HEMK2: variants seen among roughly 807,000 people sequenced by gnomAD.
HEMK2 encodes HemK methyltransferase 2, ETF1 glutamine and histone H4 lysine, also known as methyltransferase HEMK2.
the HEMK2 span, among the ~76,000 whole-genome samples, chr21:28,716,890 T>G: frequency 1.3e-5 from 2 of 152,200 alleles, no homozygotes; most frequent in Non-Finnish European, 2.9e-5. Flanking sequence ...CAGTTATGTC[T>G]TCAGTTTTTA....
At chr21:28,853,302 G>A in the HEMK2 span, among the ~76,000 whole-genome samples, 1 of 152,092 alleles carries the variant, frequency 6.6e-6, no homozygotes, top group African/African-American at 2.4e-5. Flanking sequence ...AGCTAACCAA[G>A]CAAATAAACT....
At chr21:28,860,994 G>A in the HEMK2 span, among the ~76,000 whole-genome samples, 1 of 152,226 alleles carries the variant, frequency 6.6e-6, no homozygotes, top group South Asian at 2.1e-4. Context: ...CAAAGGCTTA[G>A]GGAAATTGGC....
chr21:28,692,689 T>C, the HEMK2 span, among the ~76,000 whole-genome samples: 1 of 152,186 alleles, frequency 6.6e-6, no homozygotes, highest in African/African-American at 2.4e-5. Flanking sequence ...ACATGATCTA[T>C]GCAAAAACTT....
chr21:28,786,528 G>T, the HEMK2 span, among the ~76,000 whole-genome samples: 1 of 151,970 alleles, frequency 6.6e-6, no homozygotes, highest in Non-Finnish European at 1.5e-5. Context: ...AAAATTAGCT[G>T]GGTGTGTTGG....
chr21:28,619,029 T>C, the HEMK2 span, among the ~76,000 whole-genome samples: 1 of 152,164 alleles, frequency 6.6e-6, no homozygotes, highest in Non-Finnish European at 1.5e-5. Context: ...CTTAACTTAA[T>C]ATGATTGGTG....
the HEMK2 span, among the ~76,000 whole-genome samples, chr21:28,867,435 C>T: frequency 6.6e-6 from 1 of 152,138 alleles, no homozygotes; most frequent in Non-Finnish European, 1.5e-5. Flanking sequence ...AAATTGTTGA[C>T]TCCAGTGAGG....
At chr21:28,659,309 T>C in the HEMK2 span, among the ~76,000 whole-genome samples, 1 of 152,120 alleles carries the variant, frequency 6.6e-6, no homozygotes, top group Non-Finnish European at 1.5e-5. Flanking sequence ...GTTCAAAAGA[T>C]ACCTTCTAAT....
the HEMK2 span, among the ~76,000 whole-genome samples, chr21:28,823,844 C>T: frequency 6.6e-6 from 1 of 151,562 alleles, no homozygotes; most frequent in Non-Finnish European, 1.5e-5. Flanking sequence ...GTGTTACATA[C>T]TGTGAAAAAA....
At chr21:28,792,350 T>C in the HEMK2 span, among the ~76,000 whole-genome samples, 1 of 152,318 alleles carries the variant, frequency 6.6e-6, no homozygotes, top group South Asian at 2.1e-4. Context: ...CTTTATTGTG[T>C]GGACTTGTCC....
the HEMK2 span, among the ~76,000 whole-genome samples, chr21:28,831,753 AAGAAAGAAAGAAAGAAAG>A: frequency 6.7e-6 from 1 of 149,586 alleles, no homozygotes; most frequent in Admixed American, 6.6e-5. Flanking sequence ...GAAAGAAAGA[AAGAAAGAAAGAAAGAAAG>A]AAACAGTATC....
the HEMK2 span, among the ~76,000 whole-genome samples, chr21:28,698,277 G>C: frequency 6.6e-6 from 1 of 152,264 alleles, no homozygotes. Flanking sequence ...TGTGCTGTTA[G>C]AATGGGCTTT....
chr21:28,631,447 A>G, the HEMK2 span, among the ~76,000 whole-genome samples: 4 of 152,210 alleles, frequency 2.6e-5, no homozygotes, highest in East Asian at 1.9e-4. Context: ...TTAAAAATAC[A>G]TATTCTAAAC....
chr21:28,739,801 A>G, the HEMK2 span, among the ~76,000 whole-genome samples: 2 of 152,216 alleles, frequency 1.3e-5, no homozygotes, highest in African/African-American at 2.4e-5. Flanking sequence ...GCCAGTGTCT[A>G]CCATATTGGA....
the HEMK2 span, among the ~76,000 whole-genome samples, chr21:28,795,394 C>T: frequency 2.0e-5 from 3 of 151,828 alleles, no homozygotes; most frequent in Non-Finnish European, 4.4e-5. Flanking sequence ...CTAATAAGGA[C>T]CTCAAAAAAA....
At chr21:28,876,340 G>T in the HEMK2 span, 1 of 1,304,734 alleles carries the variant, frequency 7.7e-7, no homozygotes, top group Non-Finnish European at 1.1e-6. Flanking sequence ...TTCAAAATAT[G>T]CTAAATGCAT....
At chr21:28,580,449 T>A in the HEMK2 span, among the ~76,000 whole-genome samples, 1 of 151,752 alleles carries the variant, frequency 6.6e-6, no homozygotes, top group Admixed American at 6.6e-5. Flanking sequence ...CTGTTTAGCA[T>A]CCCACCCCAC....
the HEMK2 span, among the ~76,000 whole-genome samples, chr21:28,815,213 T>C: frequency 3.7e-5 from 4 of 109,470 alleles, no homozygotes; most frequent in South Asian, 1.0e-3. Flanking sequence ...GGGAACATCA[T>C]ACACTGGGGA....
At chr21:28,812,864 G>A in the HEMK2 span, among the ~76,000 whole-genome samples, 2 of 152,150 alleles carry the variant, frequency 1.3e-5, no homozygotes, top group African/African-American at 4.8e-5. Context: ...TTAGTCTTGG[G>A]AGGGAGTATG....
the HEMK2 span, among the ~76,000 whole-genome samples, chr21:28,841,196 TATATTATATAA>T: frequency 2.8e-4 from 6 of 21,562 alleles, no homozygotes; most frequent in African/African-American, 1.8e-3. Context: ...TTATAATATA[TATATTATATAA>T]TATATTATAT....
Sources: allele counts gnomAD v4.1 joint callset (sites outside exome capture counted in the v4.1 genomes callset), GRCh38; gene constraint gnomAD v4.1.1; transcripts MANE v1.5; gene names NCBI Gene and HGNC (gene_info 2026-07-23, HGNC 2026-07-21).